Variants in ITPR1 observed in about 807,000 individuals in gnomAD.
The protein encoded by ITPR1 is inositol 1,4,5-trisphosphate-gated calcium channel ITPR1.
A neutral mutation model predicts 318.4 loss-of-function variants in ITPR1; 96 were observed. The ratio of observed to expected loss-of-function variants is 0.30; its 90% CI spans 0.26 to 0.36. ITPR1 has a LOEUF of 0.36. Ranked by LOEUF, ITPR1 falls within the 10% of genes least tolerant of loss-of-function variation. The probability of loss-of-function intolerance (pLI) is 1.00; values close to 1 mark genes in which losing one functional copy is unlikely to be tolerated. For missense variants in ITPR1, 2,440 were observed against 3,460.2 expected (o/e 0.71, Z 7.40); for synonymous variants, 1,312 against 1,289.9 (o/e 1.02, Z -0.37).
chr3:4,519,612 A>C (rs2124924486), intron 3 of ITPR1, among the ~76,000 whole-genome samples: 1 of 152,206 alleles, frequency 6.6e-6, no homozygotes, highest in East Asian at 1.9e-4. Flanking sequence ...GCATTACTAT[A>C]CTTACAGGAG....
intron 55 of ITPR1, among the ~76,000 whole-genome samples, chr3:4,807,122 AGGGGGGCTTACAAAGAGAG>A (rs1270418100): frequency 0.045 from 134 of 2,994 alleles, 5 homozygotes; most frequent in East Asian, 0.35. Context: ...TTACAAAGAG[AGGGGGGCTTACAAAGAGAG>A]GGGGGACTTA....
At chr3:4,705,284 A>C (rs368382228) in intron 36 of ITPR1, among the ~76,000 whole-genome samples, 7 of 152,164 alleles carry the variant, frequency 4.6e-5, no homozygotes, top group Admixed American at 4.6e-4. Context: ...TAGCAAGGGT[A>C]ATACAGAGAG....
rs368681501 is a variant in ITPR1 at position 4,795,156 on chromosome 3, G to A, written c.6900G>A (p.Ala2300=). The A allele has an allele frequency of 9.3e-6, 15 of 1,613,518 alleles. No homozygotes were observed. Among genetic ancestry groups the A allele is most frequent in the Middle Eastern group, 1.6e-4 (1 of 6,082 alleles). The change falls in exon 53 of 62, where the codon GCG becomes GCA. Residue 2300 remains alanine, a synonymous_variant. Transcript: ENST00000649015. ...NLAVLMNLLV[A]FFYPFKGVRG... ...CCGTCCTGATGAACCTGCTGGTGGC[G>A]TTTTTCTACCCGTTTAAGGGAGTCC...
chr3:4,655,266 T>G (rs1267151756), intron 12 of ITPR1, among the ~76,000 whole-genome samples: 1 of 152,144 alleles, frequency 6.6e-6, no homozygotes. Context: ...GGAGGAAATC[T>G]TACCTCTGAG....
chr3:4,568,623 G>C (rs979079924), intron 4 of ITPR1, among the ~76,000 whole-genome samples: 2 of 152,124 alleles, frequency 1.3e-5, no homozygotes, highest in Admixed American at 6.5e-5. Flanking sequence ...GTAGACAGAG[G>C]CACTCCAGCA....
intron 43 of ITPR1, among the ~76,000 whole-genome samples, chr3:4,734,451 C>T (rs1034673371): frequency 3.9e-5 from 6 of 152,166 alleles, no homozygotes; most frequent in African/African-American, 1.2e-4. Context: ...GAGTTCTGCA[C>T]GAAAGGACAG....
At chr3:4,609,073 T>TATATATATATAC (rs1180030765) in intron 4 of ITPR1, among the ~76,000 whole-genome samples, 1 of 94,710 alleles carries the variant, frequency 1.1e-5, no homozygotes, top group Non-Finnish European at 2.2e-5. Flanking sequence ...TATATATATA[T>TATATATATATAC]ATATATATAT....
At chr3:4,553,860 C>T (rs956665490) in intron 4 of ITPR1, among the ~76,000 whole-genome samples, 13 of 152,022 alleles carry the variant, frequency 8.6e-5, no homozygotes, top group African/African-American at 2.9e-4. Flanking sequence ...CTTGGCCTCC[C>T]AAAGTGCTGG....
intron 2 of ITPR1, among the ~76,000 whole-genome samples, chr3:4,503,444 C>T (rs1488915490): frequency 2.0e-5 from 3 of 152,014 alleles, no homozygotes; most frequent in Admixed American, 6.5e-5. Flanking sequence ...TCATTGCTGC[C>T]GAGTTGTCTA....
chr3:4,808,887 C>T (rs573206524), intron 55 of ITPR1, among the ~76,000 whole-genome samples: 2 of 152,124 alleles, frequency 1.3e-5, no homozygotes, highest in African/African-American at 2.4e-5. Flanking sequence ...ACTGGCCGGA[C>T]CTGGTCGTGA....
At chr3:4,696,361 CAT>C (rs957402055) in intron 33 of ITPR1, among the ~76,000 whole-genome samples, 1 of 152,194 alleles carries the variant, frequency 6.6e-6, no homozygotes, top group African/African-American at 2.4e-5. Context: ...GAATCATACA[CAT>C]GTGGTCTTTT....
In ITPR1 at chr3:4,766,829, G is replaced by A. The variant is rs142040801; in HGVS notation, c.5725+119G>A. 1.5e-5 allele frequency: 11 copies of A among 749,102 alleles called. No individual in the cohort carries two copies. The African/African-American group carries it at 1.6e-4, about 11-fold the overall frequency. 46.4% of individuals were successfully genotyped at this position (749,102 alleles called of 1,614,324 possible). A position where few individuals can be genotyped will look rare whatever the true frequency, so the allele number is the denominator to read the frequency against. On this transcript the variant is annotated intron_variant, in intron 45 of 61. Coordinates refer to ENST00000649015, the MANE Select transcript of ITPR1 (RefSeq NM_001378452.1). ...TGCATTATGATGGGAGCTTTCAGAA[G>A]AAATGCCAGCCTGGTTATGATGTAA...
At chr3:4,616,051 G>C (rs944515682) in intron 4 of ITPR1, among the ~76,000 whole-genome samples, 1 of 152,170 alleles carries the variant, frequency 6.6e-6, no homozygotes, top group African/African-American at 2.4e-5. Flanking sequence ...ACTTCAAAAG[G>C]CTACCGTCAT....
At chr3:4,681,986 A>G (rs1168413158) in intron 26 of ITPR1, among the ~76,000 whole-genome samples, 2 of 152,350 alleles carry the variant, frequency 1.3e-5, no homozygotes, top group Middle Eastern at 3.4e-3. Context: ...ACCTCCAAGT[A>G]TAAAATTTGG....
intron 24 of ITPR1, among the ~76,000 whole-genome samples, chr3:4,678,713 G>A (rs749396268): frequency 3.9e-5 from 6 of 152,104 alleles, no homozygotes; most frequent in Non-Finnish European, 7.4e-5. Context: ...GAGGAGGTAG[G>A]GTTTCATCTG....
chr3:4,665,986 C>T (rs2093938761), intron 17 of ITPR1, among the ~76,000 whole-genome samples: 1 of 152,152 alleles, frequency 6.6e-6, no homozygotes, highest in Admixed American at 6.5e-5. Context: ...CTGCTGGCAT[C>T]TGGTGAGGGG....
rs1353763043 is a variant in ITPR1, at chr3:4,839,988, T to C, written c.8190+3053T>C. ...TTTACCAGGATTGATCTACTTAAGT[T>C]TTAAGGTACTCAGAATTACAGGAAA... is the stretch of plus-strand genomic sequence containing the variant. On this transcript the variant is annotated intron_variant, in intron 61 of 61. Transcript: ENST00000649015. Among the ~76,000 whole-genome samples, 5 of 150,654 alleles carry C rather than the reference T, an allele frequency of 3.3e-5. No individual in the cohort carries two copies. The East Asian group carries it at 9.8e-4, about 29-fold the overall frequency.
chr3:4,599,326 T>G (rs747028843), intron 4 of ITPR1, among the ~76,000 whole-genome samples: 7 of 152,224 alleles, frequency 4.6e-5, no homozygotes, highest in Non-Finnish European at 1.0e-4. Flanking sequence ...TCACGCTTGT[T>G]TTTTGTTTAA....
intron 4 of ITPR1, among the ~76,000 whole-genome samples, chr3:4,619,812 C>T (rs1190209595): frequency 2.3e-5 from 3 of 133,330 alleles, no homozygotes; most frequent in Non-Finnish European, 3.3e-5. Flanking sequence ...TCTCCTCTGC[C>T]CTCCCCTCCC....
Sources: allele counts gnomAD v4.1 joint callset (sites outside exome capture counted in the v4.1 genomes callset), GRCh38; gene constraint gnomAD v4.1.1; transcripts MANE v1.5; gene names NCBI Gene and HGNC (gene_info 2026-07-23, HGNC 2026-07-21).